The following DOCK3 variants were observed in gnomAD, a reference collection of about 807,000 sequenced individuals.
DOCK3 encodes the protein dedicator of cytokinesis protein 3.
DOCK3 carries 60 observed loss-of-function variants against 265.6 expected under a neutral mutation model. The observed-to-expected ratio is 0.23, with a 90% CI of 0.18 to 0.28. DOCK3 has a LOEUF of 0.28. Ranked by LOEUF, DOCK3 falls within the 10% of genes least tolerant of loss-of-function variation. The pLI, the probability that DOCK3 is intolerant of heterozygous loss-of-function variation, is 1.00. For missense variants in DOCK3, 1,981 were observed against 2,594.3 expected, an observed-to-expected ratio of 0.76 and a Z score of 5.14; for synonymous variants, 881 against 938.0, an observed-to-expected ratio of 0.94 and a Z score of 1.11.
chr3:50,909,137 C>T (rs768590617), intron 4 of DOCK3, among the ~76,000 whole-genome samples: 27 of 152,048 alleles, frequency 1.8e-4, no homozygotes, highest in Admixed American at 5.9e-4. Flanking sequence ...CTCCTGAAGA[C>T]GGCATACCAA....
At chr3:50,962,372 G>T (rs896212252) in intron 5 of DOCK3, among the ~76,000 whole-genome samples, 6 of 152,120 alleles carry the variant, frequency 3.9e-5, no homozygotes, top group South Asian at 2.1e-4. Context: ...CCTGATTTTG[G>T]TATTATAGTA....
intron 32 of DOCK3, among the ~76,000 whole-genome samples, chr3:51,329,511 G>T (rs2084377683): frequency 6.6e-6 from 1 of 152,202 alleles, no homozygotes; most frequent in African/African-American, 2.4e-5. Flanking sequence ...ATATAGTCTT[G>T]CTCCTTATGA....
chr3:51,193,632 A>T (rs1259843665), intron 12 of DOCK3, among the ~76,000 whole-genome samples: 2 of 151,910 alleles, frequency 1.3e-5, no homozygotes, highest in African/African-American at 4.8e-5. Context: ...TTTCTTTCCA[A>T]TTCAATCTTG....
At position 50,980,686 on chromosome 3, in the gene DOCK3, G is replaced by A. The variant is rs566400604; in HGVS notation, c.315+46609G>A. On this transcript the variant is annotated intron_variant, in intron 5 of 52. Coordinates refer to ENST00000266037, the MANE Select transcript of DOCK3 (RefSeq NM_004947.5). ...TCTTTGTCTTTCTGGTTCAATCTTGGTAGGTTGTATATGTCTAGGAATTTA... is the reference window on the plus strand; with the variant it reads ...TCTTTGTCTTTCTGGTTCAATCTTGATAGGTTGTATATGTCTAGGAATTTA... 3.9e-5 allele frequency among the ~76,000 whole-genome samples: 6 copies of A among 152,042 alleles called. No individual in the cohort carries two copies. The East Asian group carries it at 1.2e-3, about 29-fold the overall frequency.
intron 2 of DOCK3, among the ~76,000 whole-genome samples, chr3:50,796,072 G>T (rs1259933642): frequency 6.6e-6 from 1 of 151,448 alleles, no homozygotes; most frequent in Non-Finnish European, 1.5e-5. Context: ...ACGGAGTCTG[G>T]CTCTGTCCCC....
intron 1 of DOCK3, among the ~76,000 whole-genome samples, chr3:50,735,684 A>C (rs2038545370): frequency 6.6e-6 from 1 of 152,122 alleles, no homozygotes; most frequent in Non-Finnish European, 1.5e-5. Context: ...TCTTTTAATA[A>C]AGTGTCTGCC....
intron 5 of DOCK3, among the ~76,000 whole-genome samples, chr3:51,050,461 G>A (rs6445600): frequency 0.9 from 137,224 of 152,194 alleles, 62,057 homozygotes; most frequent in African/African-American, 0.95. Flanking sequence ...GTAGCACATT[G>A]GGGTTCTCCA....
chr3:51,270,787 C>T (rs755906824), intron 23 of DOCK3, 28 bp from the exon 24 acceptor site: 9 of 1,599,722 alleles, frequency 5.6e-6, no homozygotes, highest in Non-Finnish European at 7.7e-6. Context: ...TAACTCTGTG[C>T]TAACCACAGC....
chr3:51,246,658 C>G, intron 21 of DOCK3, 68 bp from the exon 22 acceptor site: 1 of 1,421,628 alleles, frequency 7.0e-7, no homozygotes, highest in Non-Finnish European at 9.8e-7. Flanking sequence ...TAATTCAGGG[C>G]TACAGATGTT....
chr3:50,834,096 A>C lies in DOCK3; in HGVS notation c.122-7579A>C, dbSNP rs1162021057. 2.0e-5 allele frequency among the ~76,000 whole-genome samples: 3 copies of C among 151,824 alleles called. No individual in the cohort carries two copies. The South Asian group carries it at 6.2e-4, about 31-fold the overall frequency. The stretch of plus-strand genomic sequence containing the variant: ...TTAACTCCTCTTCTGCTTGATATTC[A>C]TGAACATTTCAGCTCTCCAGGAGAG... On this transcript the variant is annotated intron_variant, in intron 2 of 52. Transcript: ENST00000266037.
At chr3:50,984,317 G>A (rs1038235596) in intron 5 of DOCK3, among the ~76,000 whole-genome samples, 1 of 152,196 alleles carries the variant, frequency 6.6e-6, no homozygotes. Context: ...TGCTCTACCA[G>A]GGAGTTTTAT....
At chr3:50,889,047 A>G (rs2048495504) in intron 3 of DOCK3, among the ~76,000 whole-genome samples, 1 of 149,796 alleles carries the variant, frequency 6.7e-6, no homozygotes, top group Admixed American at 6.7e-5. Flanking sequence ...CAAAGAGTAT[A>G]AAATATATTT....
At chr3:51,027,072 C>T (rs1424400473) in intron 5 of DOCK3, among the ~76,000 whole-genome samples, 1 of 152,024 alleles carries the variant, frequency 6.6e-6, no homozygotes, top group East Asian at 1.9e-4. Flanking sequence ...ATCTTTCTAT[C>T]TTCTTGATGT....
chr3:51,090,839 C>G (rs2082610875), intron 9 of DOCK3, among the ~76,000 whole-genome samples: 1 of 152,152 alleles, frequency 6.6e-6, no homozygotes, highest in Non-Finnish European at 1.5e-5. Flanking sequence ...AGAGCATCTT[C>G]TGAGTTTCTT....
chr3:50,892,847 T>C (rs1323842849), intron 4 of DOCK3, among the ~76,000 whole-genome samples: 7 of 152,004 alleles, frequency 4.6e-5, no homozygotes, highest in Non-Finnish European at 1.0e-4. Flanking sequence ...CTGTGGCCAG[T>C]AGAGCTCTGG....
chr3:50,988,838 T>TC (rs1009729596), intron 5 of DOCK3, among the ~76,000 whole-genome samples: 2 of 152,148 alleles, frequency 1.3e-5, no homozygotes, highest in African/African-American at 4.8e-5. Flanking sequence ...GGGCAGGTCC[T>TC]CCAGGCCTGT....
intron 2 of DOCK3, among the ~76,000 whole-genome samples, chr3:50,834,620 A>T (rs540483973): frequency 8.5e-5 from 13 of 152,166 alleles, no homozygotes; most frequent in Admixed American, 3.3e-4. Flanking sequence ...TAAGTCAGAG[A>T]AAGTCATACT....
At position 51,229,577 on chromosome 3, in the gene DOCK3, C is replaced by T. The variant is rs767781358; in HGVS notation, c.1885C>T (p.Leu629=). ...PDRIMDVLGR[L]RHVSGEEIVK... Reference sequence around the variant, plus strand: ...CCGGATCATGGATGTACTAGGGCGGCTGCGGCATGTCAGTGGGGAGGAAAT... The same window carrying T: ...CCGGATCATGGATGTACTAGGGCGGTTGCGGCATGTCAGTGGGGAGGAAAT... Residue 629 remains leucine, a synonymous_variant, in exon 19 of 53, where the codon CTG becomes TTG. Coordinates refer to ENST00000266037, the MANE Select transcript of DOCK3 (RefSeq NM_004947.5). 1 of 1,607,060 alleles carries T rather than the reference C, an allele frequency of 6.2e-7. No homozygotes were observed. Among genetic ancestry groups the T allele is most frequent in the South Asian group, 1.1e-5 (1 of 89,402 alleles).
intron 40 of DOCK3, among the ~76,000 whole-genome samples, chr3:51,351,140 C>T (rs2085947576): frequency 6.6e-6 from 1 of 152,238 alleles, no homozygotes. Context: ...ACACTATAGG[C>T]TGAATCCCAT....
Sources: allele counts gnomAD v4.1 joint callset (sites outside exome capture counted in the v4.1 genomes callset), GRCh38; gene constraint gnomAD v4.1.1; transcripts MANE v1.5; gene names NCBI Gene and HGNC (gene_info 2026-07-23, HGNC 2026-07-21).